Variants in COMMD10 observed in about 807,000 individuals in gnomAD.
COMMD10 encodes the protein COMM domain containing 10.
A neutral mutation model predicts 28.9 loss-of-function variants in COMMD10; 33 were observed. The ratio of observed to expected loss-of-function variants is 1.14; its 90% confidence interval spans 0.87 to 1.53. The LOEUF (loss-of-function observed/expected upper bound fraction) is 1.53. COMMD10 is among the 40% of genes most tolerant of loss of function. The pLI, the probability that COMMD10 is intolerant of heterozygous loss-of-function variation, is 0.00. For synonymous variants in COMMD10, 110 were observed against 81.7 expected, an observed-to-expected ratio of 1.35 and a Z score of -1.87; for missense variants, 310 against 233.4, an observed-to-expected ratio of 1.33 and a Z score of -2.14.
At chr5:116,152,745 C>T (rs577605406) in intron 5 of COMMD10, among the ~76,000 whole-genome samples, 19 of 151,880 alleles carry the variant, frequency 1.3e-4, no homozygotes, top group Non-Finnish European at 2.4e-4. Context: ...AATTTTCATC[C>T]CCATTTTCCT....
chr5:116,110,948 A>G (rs112852486), intron 4 of COMMD10, among the ~76,000 whole-genome samples: 135 of 152,306 alleles, frequency 8.9e-4, no homozygotes, highest in African/African-American at 3.1e-3. Flanking sequence ...CCCCACCTCC[A>G]ACATTGGGTA....
At chr5:116,198,200 G>C (rs765453439) in intron 5 of COMMD10, among the ~76,000 whole-genome samples, 2 of 151,912 alleles carry the variant, frequency 1.3e-5, no homozygotes, top group Non-Finnish European at 2.9e-5. Context: ...AGTACATTTT[G>C]GTTTTTCCCT....
intron 5 of COMMD10, among the ~76,000 whole-genome samples, chr5:116,263,633 G>C (rs189414347): frequency 2.4e-4 from 36 of 151,590 alleles, no homozygotes; most frequent in African/African-American, 8.5e-4. Flanking sequence ...AATAAAACTT[G>C]GTCTCCACAA....
chr5:116,191,147 C>T (rs548790207), intron 5 of COMMD10, among the ~76,000 whole-genome samples: 361 of 152,142 alleles, frequency 2.4e-3, no homozygotes, highest in African/African-American at 8.0e-3. Context: ...CCCTGGAGCT[C>T]GCTGGATCCC....
At chr5:116,238,259 G>A (rs1175681053) in intron 5 of COMMD10, among the ~76,000 whole-genome samples, 1 of 152,094 alleles carries the variant, frequency 6.6e-6, no homozygotes, top group Non-Finnish European at 1.5e-5. Context: ...ATTGTTCTTG[G>A]CATTGGTGAC....
At chr5:116,093,158 T>C (rs1359468713) in intron 4 of COMMD10, among the ~76,000 whole-genome samples, 1 of 152,206 alleles carries the variant, frequency 6.6e-6, no homozygotes, top group Non-Finnish European at 1.5e-5. Context: ...AATTTCGATA[T>C]ACTTTTACTT....
intron 4 of COMMD10, among the ~76,000 whole-genome samples, chr5:116,096,861 T>C (rs1442044115): frequency 2.0e-5 from 3 of 152,266 alleles, no homozygotes; most frequent in South Asian, 4.1e-4. Context: ...TTTTAAGCTT[T>C]CCATTTGTTT....
At position 116,174,620 on chromosome 5, in the gene COMMD10, T is replaced by C. The variant is rs74883104; in HGVS notation, c.510+40442T>C. On this transcript the variant is annotated intron_variant, in intron 5 of 6. Transcript: ENST00000274458. ...GTGAAAGGGGAATTCCAAAATACTT[T>C]GAAGGGAATATGGTAGGATTTGTTG... Among the ~76,000 whole-genome samples, 1,245 of 130,294 alleles carry C rather than the reference T, an allele frequency of 9.6e-3. 7 individuals are homozygous for C. The highest frequency in any genetic ancestry group is 0.015 in the Non-Finnish European group (966 of 65,632). The allele number at this position is 130,294 out of a possible 152,430, so 85.5% of individuals were successfully genotyped here.
chr5:116,199,367 A>G lies in COMMD10; in HGVS notation c.510+65189A>G, dbSNP rs1344761656. 2.0e-5 allele frequency among the ~76,000 whole-genome samples: 3 copies of G among 152,226 alleles called. No individual in the cohort carries two copies. In the East Asian group the frequency reaches 5.8e-4, roughly 29 times the overall value. ...TTTGGATAACATTCCTTTATATCAG[A>G]CATGTGATTTGCAGATATTCTCTCC... On this transcript the variant is annotated intron_variant, in intron 5 of 6. Coordinates refer to ENST00000274458, the MANE Select transcript of COMMD10 (RefSeq NM_016144.4).
intron 5 of COMMD10, among the ~76,000 whole-genome samples, chr5:116,221,391 AC>A: frequency 6.6e-6 from 1 of 152,144 alleles, no homozygotes; most frequent in Admixed American, 6.5e-5. Flanking sequence ...TTTCTGTGTT[AC>A]AAACCCTGCT....
intron 4 of COMMD10, among the ~76,000 whole-genome samples, chr5:116,099,250 A>G (rs1476011478): frequency 2.6e-5 from 4 of 152,142 alleles, no homozygotes; most frequent in Non-Finnish European, 5.9e-5. Context: ...GGCTTATTTC[A>G]CTTAGCATAA....
rs187574371 is a variant in COMMD10 at position 116,118,864 on chromosome 5, G to A, written c.400-15204G>A. Among the ~76,000 whole-genome samples the A allele has an allele frequency of 4.7e-3, 720 of 152,280 alleles. 3 individuals are homozygous for A. The highest frequency in any genetic ancestry group is 8.0e-3 in the Non-Finnish European group (546 of 68,032). ...TTGAAACAGAATGTATTTCTCCACT[G>A]CATAAGTAATTGGCTGAAACCAGAA... On this transcript the variant is annotated intron_variant, in intron 4 of 6. Transcript: ENST00000274458.
chr5:116,250,394 G>T (rs1257490811), intron 5 of COMMD10, among the ~76,000 whole-genome samples: 1 of 151,320 alleles, frequency 6.6e-6, no homozygotes, highest in Non-Finnish European at 1.5e-5. Context: ...TTAGTTCTTA[G>T]AAAGGGTAGC....
intron 5 of COMMD10, among the ~76,000 whole-genome samples, chr5:116,157,322 A>G (rs1315733122): frequency 1.3e-5 from 2 of 152,184 alleles, no homozygotes; most frequent in African/African-American, 4.8e-5. Context: ...GGTTTAAAAC[A>G]ATAACCATTT....
At chr5:116,291,607 G>T (rs769538755) in intron 6 of COMMD10, 31 bp downstream of exon 6, 2 of 1,252,024 alleles carry the variant, frequency 1.6e-6, no homozygotes, top group Non-Finnish European at 2.3e-6. Context: ...TTTCTAATAT[G>T]TGGAGTTTTT....
intron 4 of COMMD10, 64 bp from the exon 5 acceptor site, chr5:116,134,004 C>T: frequency 1.0e-6 from 1 of 957,626 alleles, no homozygotes; most frequent in Non-Finnish European, 1.7e-6. Flanking sequence ...TGGAGATTTG[C>T]TTAAAGTTGA....
chr5:116,103,604 G>T (rs914348945), intron 4 of COMMD10, among the ~76,000 whole-genome samples: 2 of 152,146 alleles, frequency 1.3e-5, no homozygotes, highest in Non-Finnish European at 2.9e-5. Flanking sequence ...CTCCCATTCT[G>T]TAGGTTGCCT....
At chr5:116,214,869 G>T (rs1165800440) in intron 5 of COMMD10, among the ~76,000 whole-genome samples, 2 of 151,948 alleles carry the variant, frequency 1.3e-5, no homozygotes, top group Non-Finnish European at 2.9e-5. Context: ...GGAAAAATAC[G>T]ATCTCTTTTA....
intron 4 of COMMD10, among the ~76,000 whole-genome samples, chr5:116,105,752 G>T (rs781700706): frequency 2.0e-5 from 3 of 152,166 alleles, no homozygotes; most frequent in Non-Finnish European, 4.4e-5. Context: ...GCGTAGATGT[G>T]TTTCTAGTAT....
Sources: allele counts gnomAD v4.1 joint callset (sites outside exome capture counted in the v4.1 genomes callset), GRCh38; gene constraint gnomAD v4.1.1; transcripts MANE v1.5; gene names NCBI Gene and HGNC (gene_info 2026-07-23, HGNC 2026-07-21).